RASGRP4: variants seen among roughly 807,000 people sequenced by gnomAD.
RASGRP4 encodes RAS guanyl releasing protein 4, also known as RAS guanyl-releasing protein 4.
In RASGRP4, 52 loss-of-function variants were observed where a neutral mutation model predicts 84.4. The ratio of observed to expected loss-of-function variants is 0.62; its 90% CI spans 0.49 to 0.78. The LOEUF (loss-of-function observed/expected upper bound fraction) is 0.78, where lower values mean the gene tolerates loss of function less well. RASGRP4 is among the 30% of genes least tolerant of loss of function. RASGRP4 has a pLI of 0.00. For synonymous variants in RASGRP4, 356 were observed against 359.1 expected (o/e 0.99, Z 0.10); for missense variants, 760 against 886.9 (o/e 0.86, Z 1.82).
At chr19:38,416,119 A>T (rs577565258) in intron 8 of RASGRP4, among the ~76,000 whole-genome samples, 116 of 151,370 alleles carry the variant, frequency 7.7e-4, no homozygotes, top group South Asian at 6.1e-3. Flanking sequence ...TCAGCCTCCC[A>T]AGTAGCTGGG....
At position 38,410,986 on chromosome 19, in the gene RASGRP4, T is replaced by C. The variant is rs1034024144; in HGVS notation, c.1865A>G (p.Asn622Ser). ...CTCCAGGGATAGCGTGTAGGAGTGA[T>C]TTTCCTCGGAGCCTGTTTGTGGGTG... ...APHASCGSEE[N>S]HSYTLSLEPE... The change falls in exon 16 of 17, where the codon AAT (asparagine) becomes AGT (serine). Residue 622 changes from asparagine (N) to serine (S), a missense_variant. Physicochemically the swap from Asn to Ser is conservative, Grantham distance 46. Coordinates refer to ENST00000615439, the MANE Select transcript of RASGRP4 (RefSeq NM_170604.3). 6.2e-7 allele frequency: 1 copy of C among 1,602,470 alleles called. No individual in the cohort carries two copies.
rs753205887 is a variant in RASGRP4 at position 38,421,229 on chromosome 19, C to T, written c.209-29G>A. Reference sequence around the variant, plus strand: ...GGGTGGAAGGAGGGGTACTCTGTGACAGAATGGCCCTCAAGCAATGCAGAG... The same window carrying T: ...GGGTGGAAGGAGGGGTACTCTGTGATAGAATGGCCCTCAAGCAATGCAGAG... On this transcript the variant is annotated intron_variant, in intron 2 of 16. Transcript: ENST00000615439. 3 of 1,490,734 alleles carry T rather than the reference C, an allele frequency of 2.0e-6. No individual in the cohort carries two copies. In the South Asian group the frequency reaches 3.4e-5, roughly 17 times the overall value. The allele number at this position is 1,490,734 out of a possible 1,614,324, so 92.3% of individuals were successfully genotyped here. A position where few individuals can be genotyped will look rare whatever the true frequency, so the allele number is the denominator to read the frequency against.
Position 38,417,777 on chromosome 19 carries a change from G to A in RASGRP4, c.838-609C>T, listed in dbSNP as rs1350926980. On this transcript the variant is annotated intron_variant, in intron 7 of 16. Coordinates refer to ENST00000615439, the MANE Select transcript of RASGRP4 (RefSeq NM_170604.3). This position sits in a 1 kb window ranked among gnomAD's most constrained non-coding sequence, Gnocchi z 5.1. ...TGCTCAGACTAAGGACACCCCAGGC[G>A]GACGTCGAGACCCCCAGGTCTCAGG... 3.3e-5 allele frequency among the ~76,000 whole-genome samples: 5 copies of A among 152,156 alleles called. No homozygotes were observed. Among genetic ancestry groups the A allele is most frequent in the Non-Finnish European group, 5.9e-5 (4 of 68,026 alleles).
rs530406122 is a variant in RASGRP4 at position 38,409,981 on chromosome 19, G to A, written c.*59C>T. The A allele has an allele frequency of 6.3e-6, 9 of 1,423,574 alleles. No homozygotes were observed. Among genetic ancestry groups the A allele is most frequent in the Middle Eastern group, 1.9e-4 (1 of 5,310 alleles). 88.2% of individuals were successfully genotyped at this position (1,423,574 alleles called of 1,614,324 possible). On this transcript the variant is annotated 3_prime_UTR_variant, in exon 17 of 17. Transcript: ENST00000615439. ...TCTGGGAGCCCTGCCAGAGTCTGAC[G>A]GCAGGACTCAGGACTGACTGGGGGA...
chr19:38,420,320 G>T (rs1433861282), intron 4 of RASGRP4, 58 bp from the exon 5 acceptor site: 4 of 1,572,922 alleles, frequency 2.5e-6, no homozygotes, highest in Non-Finnish European at 3.4e-6. Context: ...TCTCTACAAG[G>T]GGTATTTTGG....
Position 38,409,910 on chromosome 19 carries a change from C to A in RASGRP4, c.*130G>T. 1 of 638,316 alleles carries A rather than the reference C, an allele frequency of 1.6e-6. No individual in the cohort carries two copies. The highest frequency in any genetic ancestry group is 2.0e-5 in the South Asian group (1 of 49,490). 39.5% of individuals were successfully genotyped at this position (638,316 alleles called of 1,614,324 possible). ...AGGGAAAAAGATGACGGACGTACCA[C>A]TAAAGGCAGTGTGGATGGGAAGGCG... On this transcript the variant is annotated 3_prime_UTR_variant, in exon 17 of 17. Transcript: ENST00000615439.
chr19:38,423,689 T>A (rs1971859369), intron 1 of RASGRP4, among the ~76,000 whole-genome samples: 1 of 150,804 alleles, frequency 6.6e-6, no homozygotes, highest in African/African-American at 2.4e-5. Flanking sequence ...ATACAAAAAT[T>A]AGCCAGGCGT....
At chr19:38,419,124 CA>C (rs1568412937) in intron 6 of RASGRP4, among the ~76,000 whole-genome samples, 1 of 152,170 alleles carries the variant, frequency 6.6e-6, no homozygotes, top group Non-Finnish European at 1.5e-5. Flanking sequence ...ATGAAGGAAA[CA>C]GATCCCCACC....
At position 38,421,075 on chromosome 19, in the gene RASGRP4, C is replaced by G. The variant is rs12974979; in HGVS notation, c.314+20G>C. 48,607 of 1,610,994 alleles carry G rather than the reference C, an allele frequency of 0.03. 1,105 individuals carry two copies. Among genetic ancestry groups the G allele is most frequent in the African/African-American group, 0.11 (8,138 of 74,966 alleles). ...TCTGCCCTCTGCCCTCCACCCATAGCTCACAGTCCTGGAGGATATGAGGTC... is the reference window on the plus strand; with the variant it reads ...TCTGCCCTCTGCCCTCCACCCATAGGTCACAGTCCTGGAGGATATGAGGTC... On this transcript the variant is annotated intron_variant, in intron 3 of 16. Transcript: ENST00000615439.
intron 1 of RASGRP4, among the ~76,000 whole-genome samples, chr19:38,425,200 A>C (rs566002088): frequency 1.3e-3 from 199 of 151,794 alleles, no homozygotes; most frequent in African/African-American, 3.8e-3. Flanking sequence ...AAAAAACAAA[A>C]AAAAAAAAAC....
chr19:38,426,069 C>A lies in RASGRP4; in HGVS notation c.23G>T (p.Arg8Met). The A allele has an allele frequency of 7.4e-7, 1 of 1,356,802 alleles. No individual in the cohort carries two copies. Among genetic ancestry groups the A allele is most frequent in the East Asian group, 2.8e-5 (1 of 35,656 alleles). The allele number at this position is 1,356,802 out of a possible 1,614,324, so 84.0% of individuals were successfully genotyped here. The change falls in exon 1 of 17, where the codon AGG becomes ATG. Residue 8 changes from arginine (R) to methionine (M), a missense_variant and splice_region_variant. Physicochemically the swap from Arg to Met is moderately conservative, Grantham distance 91 (BLOSUM62 -1). Coordinates refer to ENST00000615439, the MANE Select transcript of RASGRP4 (RefSeq NM_170604.3). Reference sequence around the variant, plus strand: ...GGCTCCCTGGGGAGGGTCCTCTCACCTCTTACTGTCTTTTCTGTTCATGCT... The same window carrying A: ...GGCTCCCTGGGGAGGGTCCTCTCACATCTTACTGTCTTTTCTGTTCATGCT... Reference protein sequence around the residue: MNRKDSKRKSHQECTGKI... With the variant: MNRKDSKMKSHQECTGKI...
In RASGRP4 at chr19:38,411,166, C is replaced by T. The variant is rs1971237410; in HGVS notation, c.1801G>A (p.Gly601Arg). ...KKRPGAKGDA[G>R]PPGAPVPSTP... ...GATGGGACAGGAGCTCCGGGGGGTCCTGCATCGCCCTTGGCCCCTGGCCTC... is the reference window on the plus strand; with the variant it reads ...GATGGGACAGGAGCTCCGGGGGGTCTTGCATCGCCCTTGGCCCCTGGCCTC... Residue 601 changes from glycine to arginine, a missense_variant, in exon 15 of 17, where the codon GGA (glycine) becomes AGA (arginine). By Grantham distance (125) the Gly-to-Arg change is moderately radical (BLOSUM62 -2). Coordinates refer to ENST00000615439, the MANE Select transcript of RASGRP4 (RefSeq NM_170604.3). The T allele has an allele frequency of 6.2e-7, 1 of 1,613,918 alleles. No individual in the cohort carries two copies. Among genetic ancestry groups the T allele is most frequent in the Non-Finnish European group, 8.5e-7 (1 of 1,179,880 alleles).
chr19:38,426,055 G>C lies in RASGRP4; in HGVS notation c.23+14C>G. Reference sequence around the variant, plus strand: ...TCAGGGTGCTGCCGGGCTCCCTGGGGAGGGTCCTCTCACCTCTTACTGTCT... The same window carrying C: ...TCAGGGTGCTGCCGGGCTCCCTGGGCAGGGTCCTCTCACCTCTTACTGTCT... On this transcript the variant is annotated intron_variant, in intron 1 of 16. Transcript: ENST00000615439. The C allele has an allele frequency of 7.3e-7, 1 of 1,368,924 alleles. No homozygotes were observed. The highest frequency in any genetic ancestry group is 2.0e-5 in the South Asian group (1 of 49,532). The allele number at this position is 1,368,924 out of a possible 1,614,324, so 84.8% of individuals were successfully genotyped here. A position where few individuals can be genotyped will look rare whatever the true frequency, so the allele number is the denominator to read the frequency against.
Position 38,415,016 on chromosome 19 carries a change from G to A in RASGRP4, c.1062C>T (p.His354=). Residue 354 remains histidine (H), a synonymous_variant, in exon 9 of 17, where the codon CAC becomes CAT. Transcript: ENST00000615439. ...CATGCAGGGACACCAGGTCCTTGAG[G>A]TGCACGCCCAGTACAGGCAGCCGGA... is the stretch of plus-strand genomic sequence containing the variant. ...AGFRLPVLGV[H]LKDLVSLHEA... 1 of 1,612,012 alleles carries A rather than the reference G, an allele frequency of 6.2e-7. No individual in the cohort carries two copies. The highest frequency in any genetic ancestry group is 8.5e-7 in the Non-Finnish European group (1 of 1,179,302).
chr19:38,421,163 G>A lies in RASGRP4; in HGVS notation c.246C>T (p.Leu82=), dbSNP rs1370035812. ...AGCTGTGCATGGCCAGCACCATGTT[G>A]AGCATGTGGTCCTCGTGGCACAGGC... ...AGSLCHEDHM[L]NMVLAMHSWV... Residue 82 remains leucine, a synonymous_variant, in exon 3 of 17, where the codon CTC becomes CTT. Coordinates refer to ENST00000615439, the MANE Select transcript of RASGRP4 (RefSeq NM_170604.3). 1.9e-6 allele frequency: 3 copies of A among 1,613,912 alleles called. No individual in the cohort carries two copies. Among genetic ancestry groups the A allele is most frequent in the East Asian group, 4.5e-5 (2 of 44,890 alleles).
rs1203992132 is a variant in RASGRP4, at chr19:38,421,973, G to A, written c.204C>T (p.Ser68=). The A allele has an allele frequency of 1.2e-6, 2 of 1,610,746 alleles. No individual in the cohort carries two copies. Residue 68 remains serine, a synonymous_variant, in exon 2 of 17, where the codon TCC becomes TCT. Coordinates refer to ENST00000615439, the MANE Select transcript of RASGRP4 (RefSeq NM_170604.3). The part of the protein sequence containing the change: ...EDELLEKCIQ[S]FDSAGSLCHE... ...TGCTGGGGAGAGGACACTTACCGAA[G>A]GACTGGATGCATTTCTCCAGCAGCT...
At chr19:38,425,376 G>A (rs927002432) in intron 1 of RASGRP4, among the ~76,000 whole-genome samples, 2 of 152,122 alleles carry the variant, frequency 1.3e-5, no homozygotes, top group Non-Finnish European at 2.9e-5. Flanking sequence ...AGAAAAACCC[G>A]AGACACAGAG....
At chr19:38,411,570 A>C (rs1029113852) in intron 13 of RASGRP4, 189 bp from the exon 14 acceptor site, 1 of 614,812 alleles carries the variant, frequency 1.6e-6, no homozygotes, top group Non-Finnish European at 2.7e-6. Flanking sequence ...GCACTTTGAG[A>C]CGCCAAGGTG....
rs1048545329 is a variant in RASGRP4 at position 38,420,184 on chromosome 19, G to T, written c.456C>A (p.Thr152=). The change falls in exon 5 of 17, where the codon ACC becomes ACA. Residue 152 remains threonine, a synonymous_variant. Transcript: ENST00000615439. The stretch of plus-strand genomic sequence containing the variant: ...GGGCTGAGTTGCCCTCCCGGGCCAC[G>T]GTGGCCCAGAAACGACCTATGACTT... The part of the protein sequence containing the change: ...LEEVIGRFWA[T]VAREGNSAQR... 1 of 1,613,318 alleles carries T rather than the reference G, an allele frequency of 6.2e-7. No individual in the cohort carries two copies. Among genetic ancestry groups the T allele is most frequent in the Non-Finnish European group, 8.5e-7 (1 of 1,179,598 alleles).
Sources: gnomAD v4.1 joint callset for allele counts (sites outside exome capture counted in the v4.1 genomes callset) on GRCh38, gnomAD v4.1.1 for gene constraint, Gnocchi (gnomAD v3.1) non-coding constraint, MANE v1.5 for transcripts, NCBI Gene and HGNC (gene_info 2026-07-23, HGNC 2026-07-21) for gene names.